TENM2: variants seen among roughly 807,000 people sequenced by gnomAD.
The protein encoded by TENM2 is teneurin transmembrane protein 2.
A neutral mutation model predicts 245.2 loss-of-function variants in TENM2; 52 were observed. The observed-to-expected ratio is 0.21, with a 90% confidence interval of 0.17 to 0.27. The LOEUF is 0.27. Ranked by LOEUF, TENM2 falls within the 10% of genes least tolerant of loss-of-function variation. The probability of loss-of-function intolerance (pLI) is 1.00; values close to 1 mark genes in which losing one functional copy is unlikely to be tolerated. For missense variants in TENM2, 3,046 were observed against 3,666.8 expected (o/e 0.83, Z 4.37); for synonymous variants, 1,363 against 1,438.9 (o/e 0.95, Z 1.19).
the TENM2 span, among the ~76,000 whole-genome samples, chr5:167,202,535 T>A: frequency 6.6e-6 from 1 of 152,206 alleles, no homozygotes; most frequent in Admixed American, 6.5e-5. Flanking sequence ...GAAAGCCATA[T>A]CTCTTCTTCA....
the TENM2 span, among the ~76,000 whole-genome samples, chr5:167,034,182 G>C: frequency 6.6e-6 from 1 of 152,138 alleles, no homozygotes; most frequent in South Asian, 2.1e-4. Flanking sequence ...CTATATCAGA[G>C]TATAGCATGT....
intron 5 of TENM2, among the ~76,000 whole-genome samples, chr5:168,037,981 G>A (rs1787858582): frequency 1.3e-5 from 2 of 152,316 alleles, no homozygotes; most frequent in South Asian, 4.1e-4. Flanking sequence ...TCAGGCAAAT[G>A]AGAGAATAAT....
intron 17 of TENM2, among the ~76,000 whole-genome samples, chr5:168,202,610 A>G (rs2152535762): frequency 6.6e-6 from 1 of 151,658 alleles, no homozygotes; most frequent in East Asian, 1.9e-4. Context: ...ATAATATATC[A>G]AGGCCACAAG....
At chr5:167,704,783 G>A (rs1417291881) in intron 2 of TENM2, among the ~76,000 whole-genome samples, 2 of 152,020 alleles carry the variant, frequency 1.3e-5, no homozygotes, top group Non-Finnish European at 2.9e-5. Context: ...TTAAATTTTT[G>A]TGCATTATCT....
intron 1 of TENM2, among the ~76,000 whole-genome samples, chr5:167,321,183 T>C (rs1756693116): frequency 6.6e-6 from 1 of 151,980 alleles, no homozygotes; most frequent in African/African-American, 2.4e-5. Flanking sequence ...CAGTTCTAGC[T>C]GTGATATGTA....
chr5:167,690,378 GT>G, intron 2 of TENM2, among the ~76,000 whole-genome samples: 1 of 152,088 alleles, frequency 6.6e-6, no homozygotes, highest in African/African-American at 2.4e-5. Flanking sequence ...ACAGATTGGG[GT>G]TTTTTCCCTG....
chr5:167,220,133 ACTGAC>A, the TENM2 span, among the ~76,000 whole-genome samples: 1 of 152,304 alleles, frequency 6.6e-6, no homozygotes. Context: ...CTATACTGGT[ACTGAC>A]ACCAACATTT....
chr5:167,569,114 G>T (rs577004696), intron 2 of TENM2, among the ~76,000 whole-genome samples: 19 of 86,504 alleles, frequency 2.2e-4, no homozygotes, highest in African/African-American at 9.0e-4. Flanking sequence ...TTTTTGCAGA[G>T]AACTGCATTT....
chr5:167,045,810 A>G, the TENM2 span, among the ~76,000 whole-genome samples: 1 of 152,182 alleles, frequency 6.6e-6, no homozygotes, highest in Admixed American at 6.5e-5. Flanking sequence ...GAAGCAAACC[A>G]ACGGGTTATT....
intron 12 of TENM2, among the ~76,000 whole-genome samples, chr5:168,155,880 C>A (rs1206483253): frequency 3.9e-5 from 5 of 127,422 alleles, no homozygotes; most frequent in Admixed American, 3.8e-4. Context: ...CATTTAATAC[C>A]TCTGGCATCT....
At chr5:167,162,393 C>G in the TENM2 span, among the ~76,000 whole-genome samples, 2 of 152,042 alleles carry the variant, frequency 1.3e-5, no homozygotes, top group South Asian at 2.1e-4. Flanking sequence ...CTTGGAAGGC[C>G]GAGGTGGGCA....
At chr5:167,983,847 A>G (rs1392710605) in intron 4 of TENM2, among the ~76,000 whole-genome samples, 3 of 152,304 alleles carry the variant, frequency 2.0e-5, no homozygotes, top group South Asian at 4.1e-4. Flanking sequence ...CAATTCTCCA[A>G]TCACCAGGCT....
chr5:167,445,390 G>T (rs1483642582), intron 2 of TENM2, among the ~76,000 whole-genome samples: 2 of 144,182 alleles, frequency 1.4e-5, no homozygotes, highest in East Asian at 2.2e-4. Flanking sequence ...TTGTCTTGTT[G>T]TTGGGCAGGT....
intron 3 of TENM2, among the ~76,000 whole-genome samples, chr5:167,952,196 T>C (rs1269845905): frequency 1.3e-5 from 2 of 152,184 alleles, no homozygotes; most frequent in Non-Finnish European, 2.9e-5. Context: ...AGATGAAATT[T>C]TTGAAAAGAA....
chr5:168,026,476 G>C (rs186123734), intron 5 of TENM2, among the ~76,000 whole-genome samples: 31 of 152,298 alleles, frequency 2.0e-4, no homozygotes, highest in African/African-American at 7.5e-4. Flanking sequence ...TGATAGCTGA[G>C]AATGGAAACC....
At chr5:167,383,492 T>C (rs1412410326) in intron 2 of TENM2, among the ~76,000 whole-genome samples, 1 of 152,124 alleles carries the variant, frequency 6.6e-6, no homozygotes, top group Non-Finnish European at 1.5e-5. Flanking sequence ...CCAGTTCGAA[T>C]CTGTCAGATA....
intron 8 of TENM2, among the ~76,000 whole-genome samples, chr5:168,093,525 A>C (rs982968169): frequency 6.6e-6 from 1 of 152,190 alleles, no homozygotes; most frequent in African/African-American, 2.4e-5. Flanking sequence ...CGTGATGTGA[A>C]ACAGAAGGAA....
chr5:167,593,974 G>A (rs1776039389), intron 2 of TENM2, among the ~76,000 whole-genome samples: 1 of 152,186 alleles, frequency 6.6e-6, no homozygotes, highest in African/African-American at 2.4e-5. Context: ...ATTTAGAGAT[G>A]ACTGAGGTAC....
At chr5:167,520,649 T>C (rs1328850670) in intron 2 of TENM2, among the ~76,000 whole-genome samples, 1 of 152,102 alleles carries the variant, frequency 6.6e-6, no homozygotes, top group Non-Finnish European at 1.5e-5. Flanking sequence ...ATAGAGTTTA[T>C]GATTCGTCAT....
Sources: gnomAD v4.1 joint callset for allele counts (sites outside exome capture counted in the v4.1 genomes callset) on GRCh38, gnomAD v4.1.1 for gene constraint, MANE v1.5 for transcripts, NCBI Gene and HGNC (gene_info 2026-07-23, HGNC 2026-07-21) for gene names.